GRM1: variants seen among roughly 807,000 people sequenced by gnomAD.
GRM1 encodes glutamate metabotropic receptor 1, also known as metabotropic glutamate receptor 1.
Under a neutral mutation model 90.9 loss-of-function variants are expected in GRM1, and 33 were observed. The ratio of observed to expected loss-of-function variants is 0.36; its 90% CI spans 0.28 to 0.49. The LOEUF (loss-of-function observed/expected upper bound fraction) is 0.49, where lower values mean the gene tolerates loss of function less well. GRM1 is among the 20% of genes least tolerant of loss of function. The pLI is 0.99. For missense variants in GRM1, 1,190 were observed against 1,534.3 expected (o/e 0.78, Z 3.75); for synonymous variants, 700 against 613.2 (o/e 1.14, Z -2.09).
At chr6:146,078,222 T>C (rs1166928365) in intron 1 of GRM1, among the ~76,000 whole-genome samples, 1 of 152,214 alleles carries the variant, frequency 6.6e-6, no homozygotes, top group Non-Finnish European at 1.5e-5. Flanking sequence ...TCTTCATTAT[T>C]ATTCAGGCTG....
chr6:146,293,513 T>G (rs1472432195), intron 2 of GRM1, among the ~76,000 whole-genome samples: 1 of 152,020 alleles, frequency 6.6e-6, no homozygotes, highest in Non-Finnish European at 1.5e-5. Context: ...TAATTTGACT[T>G]TATATATTTT....
intron 2 of GRM1, among the ~76,000 whole-genome samples, chr6:146,174,915 A>G (rs1230168711): frequency 2.0e-5 from 3 of 152,152 alleles, no homozygotes; most frequent in African/African-American, 4.8e-5. Flanking sequence ...TGGAGCTAAC[A>G]GTTTCTTGCC....
In GRM1 at chr6:146,407,262, A is replaced by G. The variant is rs1273268380; in HGVS notation, c.2660+7563A>G. Among the ~76,000 whole-genome samples, 7 of 152,328 alleles carry G rather than the reference A, an allele frequency of 4.6e-5. 1 individual carries two copies. In the South Asian group the frequency reaches 1.5e-3, roughly 32 times the overall value. On this transcript the variant is annotated intron_variant, in intron 7 of 7. Coordinates refer to ENST00000282753, the MANE Select transcript of GRM1 (RefSeq NM_001278064.2). ...AATGGCCCCAGGATAATGGAGATGC[A>G]CATTCCCTGTCCCCAGCCTGGTGCA...
Position 146,436,597 on chromosome 6 carries a change from T to C in GRM1, c.*1801T>C. On this transcript the variant is annotated 3_prime_UTR_variant, in exon 8 of 8. Transcript: ENST00000282753. ...GACTTTTATTCCTGTGTCTTGGCTG[T>C]CATAACTTTTTATTTCTGCTATTTG... 1 of 152,384 alleles carries C rather than the reference T, an allele frequency of 6.6e-6. No homozygotes were observed. The highest frequency in any genetic ancestry group is 1.9e-4 in the East Asian group (1 of 5,202). The allele number at this position is 152,384 out of a possible 1,614,324, so 9.4% of individuals were successfully genotyped here.
intron 2 of GRM1, among the ~76,000 whole-genome samples, chr6:146,260,991 G>A (rs1186680582): frequency 1.3e-5 from 2 of 151,724 alleles, no homozygotes; most frequent in African/African-American, 2.4e-5. Context: ...TTGAGTGAAA[G>A]CCATTAATTG....
chr6:146,314,783 G>A (rs776896246), intron 3 of GRM1, among the ~76,000 whole-genome samples: 5 of 151,768 alleles, frequency 3.3e-5, no homozygotes, highest in Admixed American at 2.6e-4. Context: ...GTTATTTTAT[G>A]TTCATATTAT....
chr6:146,029,252 T>C lies in GRM1; in HGVS notation c.-266T>C, dbSNP rs1351186690. ...CCACTGTACTCTTGATCAATTTACC[T>C]TGATGCACTACCGGTGAAGAACGGG... On this transcript the variant is annotated 5_prime_UTR_variant, in exon 1 of 8. Coordinates refer to ENST00000282753, the MANE Select transcript of GRM1 (RefSeq NM_001278064.2). 7.5e-6 allele frequency: 4 copies of C among 530,174 alleles called. No homozygotes were observed. In the Admixed American group the frequency reaches 1.3e-4, roughly 17 times the overall value. 32.8% of individuals were successfully genotyped at this position (530,174 alleles called of 1,614,324 possible). A position where few individuals can be genotyped will look rare whatever the true frequency, so the allele number is the denominator to read the frequency against.
At chr6:146,120,795 A>G (rs1213426901) in intron 1 of GRM1, among the ~76,000 whole-genome samples, 3 of 152,276 alleles carry the variant, frequency 2.0e-5, no homozygotes, top group African/African-American at 7.2e-5. Flanking sequence ...AGCCCACTTG[A>G]TCATGGTGGA....
intron 1 of GRM1, among the ~76,000 whole-genome samples, chr6:146,101,933 C>T (rs1207457181): frequency 1.3e-5 from 2 of 151,540 alleles, no homozygotes; most frequent in Admixed American, 6.6e-5. Flanking sequence ...TTTTGTGGGG[C>T]AGCACTTTAG....
chr6:146,107,036 C>T (rs1264980789), intron 1 of GRM1, among the ~76,000 whole-genome samples: 1 of 152,172 alleles, frequency 6.6e-6, no homozygotes, highest in African/African-American at 2.4e-5. Context: ...CCTTTGGCCT[C>T]AGTGGCCCTT....
chr6:146,144,765 A>G (rs1008674865), intron 1 of GRM1, among the ~76,000 whole-genome samples: 1 of 152,222 alleles, frequency 6.6e-6, no homozygotes, highest in Non-Finnish European at 1.5e-5. Context: ...TGAACAGAGC[A>G]TTAAGAGTGA....
intron 2 of GRM1, among the ~76,000 whole-genome samples, chr6:146,233,681 A>G (rs976235208): frequency 6.6e-6 from 1 of 152,056 alleles, no homozygotes; most frequent in African/African-American, 2.4e-5. Context: ...TGTAATTTCA[A>G]TTTTTAAAAA....
intron 4 of GRM1, among the ~76,000 whole-genome samples, chr6:146,354,581 T>C (rs1785518739): frequency 6.6e-6 from 1 of 152,158 alleles, no homozygotes; most frequent in Non-Finnish European, 1.5e-5. Context: ...TTAGGGATCA[T>C]ATCCTTCTGC....
At chr6:146,289,971 T>C (rs1222582113) in intron 2 of GRM1, among the ~76,000 whole-genome samples, 3 of 152,174 alleles carry the variant, frequency 2.0e-5, no homozygotes, top group Non-Finnish European at 2.9e-5. Context: ...TGATTGTACC[T>C]GTAGCGAAGT....
chr6:146,382,083 G>A (rs1399815938), intron 5 of GRM1, among the ~76,000 whole-genome samples: 1 of 152,040 alleles, frequency 6.6e-6, no homozygotes, highest in Non-Finnish European at 1.5e-5. Context: ...AAACAGGTAG[G>A]TCTTAGAAAG....
chr6:146,309,822 T>C (rs1012130016), intron 3 of GRM1, among the ~76,000 whole-genome samples: 1 of 152,222 alleles, frequency 6.6e-6, no homozygotes, highest in Non-Finnish European at 1.5e-5. Flanking sequence ...CTTGATAAAT[T>C]TGGGGTCCCT....
intron 6 of GRM1, among the ~76,000 whole-genome samples, chr6:146,388,356 G>C (rs776277067): frequency 1.3e-5 from 2 of 151,922 alleles, no homozygotes; most frequent in Admixed American, 1.3e-4. Context: ...ATCCGTAAAT[G>C]TAATATTCTT....
chr6:146,198,666 G>A (rs1052470210), intron 2 of GRM1, among the ~76,000 whole-genome samples: 8 of 152,170 alleles, frequency 5.3e-5, no homozygotes, highest in African/African-American at 1.9e-4. Context: ...TACTTAAACA[G>A]AGAGGCTATA....
chr6:146,080,265 C>A (rs969336381), intron 1 of GRM1, among the ~76,000 whole-genome samples: 2 of 152,124 alleles, frequency 1.3e-5, no homozygotes, highest in African/African-American at 4.8e-5. Flanking sequence ...TGTACACTAG[C>A]CTATGGGTTG....
Sources: gnomAD v4.1 joint callset for allele counts (sites outside exome capture counted in the v4.1 genomes callset) on GRCh38, gnomAD v4.1.1 for gene constraint, MANE v1.5 for transcripts, NCBI Gene and HGNC (gene_info 2026-07-23, HGNC 2026-07-21) for gene names.